TAFA2: variants seen among roughly 807,000 people sequenced by gnomAD.
TAFA2 encodes TAFA chemokine like family member 2.
Under a neutral mutation model 18.8 loss-of-function variants are expected in TAFA2, and 7 were observed. The observed-to-expected ratio is 0.37, with a 90% CI of 0.21 to 0.70. The LOEUF is 0.70. Ranked by LOEUF, TAFA2 falls within the 30% of genes least tolerant of loss-of-function variation. The pLI is 0.53. For synonymous variants in TAFA2, 60 were observed against 54.2 expected (o/e 1.11, Z -0.47); for missense variants, 122 against 158.1 (o/e 0.77, Z 1.23).
chr12:61,923,954 A>G (rs1877168047), intron 1 of TAFA2, among the ~76,000 whole-genome samples: 2 of 151,808 alleles, frequency 1.3e-5, no homozygotes, highest in East Asian at 2.0e-4. Context: ...AAGTATCAAT[A>G]GCCAAACTGA....
chr12:61,884,363 A>G (rs73129635), intron 1 of TAFA2, among the ~76,000 whole-genome samples: 18,754 of 152,192 alleles, frequency 0.12, 1,411 homozygotes, highest in Admixed American at 0.18. Context: ...TTGATGATCA[A>G]ACATCTCCAA....
intron 1 of TAFA2, among the ~76,000 whole-genome samples, chr12:61,918,602 T>G (rs1297670213): frequency 6.6e-6 from 1 of 152,220 alleles, no homozygotes; most frequent in East Asian, 1.9e-4. Flanking sequence ...TTGTGAATAG[T>G]GCTGCCATAA....
rs924512102 is a variant in TAFA2 at position 61,832,436 on chromosome 12, G to A, written c.106+34884C>T. On this transcript the variant is annotated intron_variant, in intron 2 of 4. Transcript: ENST00000416284. ...ATGCCAGACCAGGCACTAGACATGT[G>A]AACGACCTTCAGATGATTCCAGGCA... Among the ~76,000 whole-genome samples the A allele has an allele frequency of 7.9e-5, 12 of 152,004 alleles. No homozygotes were observed. In the East Asian group the frequency reaches 9.7e-4, roughly 12 times the overall value.
At position 62,020,353 on chromosome 12, in the gene TAFA2, A is replaced by C. The variant is rs79190528; in HGVS notation, c.-1-152927T>G. 4.3e-3 allele frequency among the ~76,000 whole-genome samples: 657 copies of C among 152,272 alleles called. 2 individuals carry two copies. The highest frequency in any genetic ancestry group is 0.015 in the African/African-American group (620 of 41,540). The stretch of plus-strand genomic sequence containing the variant: ...CATCCTTTCATTTCTACTGGGAAAA[A>C]ATGGCGACCCTACACTTCCAAAGGA... On this transcript the variant is annotated intron_variant, in intron 1 of 4. Transcript: ENST00000416284.
intron 1 of TAFA2, among the ~76,000 whole-genome samples, chr12:62,059,442 C>G (rs562340511): frequency 6.6e-6 from 1 of 152,076 alleles, no homozygotes; most frequent in South Asian, 2.1e-4. Flanking sequence ...ATTGGGGAGA[C>G]AAGCAACAAC....
intron 4 of TAFA2, among the ~76,000 whole-genome samples, chr12:61,712,889 A>G (rs1869479906): frequency 6.6e-6 from 1 of 152,176 alleles, no homozygotes; most frequent in Non-Finnish European, 1.5e-5. Context: ...TTAGGCCAGA[A>G]TGGCAGTATT....
intron 1 of TAFA2, among the ~76,000 whole-genome samples, chr12:62,019,581 AAC>A (rs1257593709): frequency 6.6e-6 from 1 of 151,546 alleles, no homozygotes; most frequent in Admixed American, 6.6e-5. Flanking sequence ...CAAAAAACCA[AAC>A]ACCGCGTGTT....
chr12:62,030,991 A>G (rs1881443177), intron 1 of TAFA2, among the ~76,000 whole-genome samples: 2 of 152,092 alleles, frequency 1.3e-5, no homozygotes, highest in Non-Finnish European at 2.9e-5. Flanking sequence ...CAACCCTTAT[A>G]TGGTAGGTAC....
intron 2 of TAFA2, among the ~76,000 whole-genome samples, chr12:61,837,881 A>T (rs1395014381): frequency 3.3e-5 from 5 of 152,182 alleles, no homozygotes; most frequent in Non-Finnish European, 4.4e-5. Context: ...AAATTATATT[A>T]GAGCTGAGCA....
At chr12:61,822,817 T>G (rs945070478) in intron 2 of TAFA2, among the ~76,000 whole-genome samples, 14 of 152,158 alleles carry the variant, frequency 9.2e-5, no homozygotes, top group Non-Finnish European at 1.9e-4. Flanking sequence ...TGTATCAATA[T>G]GTAAATAAGT....
At chr12:62,068,330 G>A (rs969682593) in intron 1 of TAFA2, among the ~76,000 whole-genome samples, 2 of 152,094 alleles carry the variant, frequency 1.3e-5, no homozygotes, top group African/African-American at 4.8e-5. Flanking sequence ...GTGAACCTCT[G>A]TTCAGTTCCT....
At chr12:62,102,626 T>A (rs954716833) in intron 1 of TAFA2, among the ~76,000 whole-genome samples, 1 of 152,164 alleles carries the variant, frequency 6.6e-6, no homozygotes, top group Non-Finnish European at 1.5e-5. Context: ...AACAGCAGTG[T>A]CAGAAGTGTT....
At chr12:61,799,219 G>T (rs181291767) in intron 2 of TAFA2, among the ~76,000 whole-genome samples, 1 of 152,244 alleles carries the variant, frequency 6.6e-6, no homozygotes, top group East Asian at 1.9e-4. Flanking sequence ...GCATATGTTT[G>T]GTTCTCTTTC....
At position 61,975,513 on chromosome 12, in the gene TAFA2, T is replaced by C. The variant is rs1457856590; in HGVS notation, c.-1-108087A>G. Among the ~76,000 whole-genome samples, 4 of 15,304 alleles carry C rather than the reference T, an allele frequency of 2.6e-4. No homozygotes were observed. The East Asian group carries it at 0.01, about 39-fold the overall frequency. The allele number at this position is 15,304 out of a possible 152,430, so 10.0% of individuals were successfully genotyped here. The stretch of plus-strand genomic sequence containing the variant: ...TCTCCTTTTTAAGGCTCAATAATAT[T>C]CGTGTGTGTGTGTGTGTGTGTGTGT... On this transcript the variant is annotated intron_variant, in intron 1 of 4. Coordinates refer to ENST00000416284, the MANE Select transcript of TAFA2 (RefSeq NM_178539.5).
At chr12:61,885,030 TTTC>T (rs1191786628) in intron 1 of TAFA2, among the ~76,000 whole-genome samples, 4 of 151,442 alleles carry the variant, frequency 2.6e-5, no homozygotes, top group African/African-American at 9.7e-5. Flanking sequence ...AAATTTAGAG[TTTC>T]TTATTTTTAC....
intron 1 of TAFA2, among the ~76,000 whole-genome samples, chr12:62,117,085 T>G (rs1869994100): frequency 6.6e-6 from 1 of 152,160 alleles, no homozygotes; most frequent in African/African-American, 2.4e-5. Flanking sequence ...CAACTCTTGA[T>G]CTTGGACTTC....
At chr12:61,957,126 C>G (rs1223492297) in intron 1 of TAFA2, among the ~76,000 whole-genome samples, 22 of 152,076 alleles carry the variant, frequency 1.4e-4, no homozygotes, top group Admixed American at 1.4e-3. Flanking sequence ...GGATTTATGC[C>G]CTGTGCCAGC....
intron 1 of TAFA2, among the ~76,000 whole-genome samples, chr12:61,921,228 G>A (rs1877039733): frequency 6.6e-6 from 1 of 152,198 alleles, no homozygotes; most frequent in Admixed American, 6.5e-5. Flanking sequence ...GGTACATTGA[G>A]ATATTCTGTG....
chr12:61,971,661 G>A (rs1195229302), intron 1 of TAFA2, among the ~76,000 whole-genome samples: 1 of 151,714 alleles, frequency 6.6e-6, no homozygotes, highest in Non-Finnish European at 1.5e-5. Flanking sequence ...ACTCATAAGT[G>A]GGAGTTGAAC....
Sources: allele counts gnomAD v4.1 joint callset (sites outside exome capture counted in the v4.1 genomes callset), GRCh38; gene constraint gnomAD v4.1.1; transcripts MANE v1.5; gene names NCBI Gene and HGNC (gene_info 2026-07-23, HGNC 2026-07-21).